Variants in SPOCK1 observed in about 807,000 individuals in gnomAD.
SPOCK1 encodes testican-1.
SPOCK1 carries 23 observed loss-of-function variants against 55.3 expected under a neutral mutation model. The ratio of observed to expected loss-of-function variants is 0.42; its 90% confidence interval spans 0.30 to 0.59. The LOEUF (loss-of-function observed/expected upper bound fraction) is 0.59, where lower values mean the gene tolerates loss of function less well. Among genes scored for constraint, SPOCK1 ranks in the 20% least tolerant of loss-of-function variants. The pLI, the probability that SPOCK1 is intolerant of heterozygous loss-of-function variation, is 0.22. For synonymous variants in SPOCK1, 226 were observed against 221.0 expected (o/e 1.02, Z -0.20); for missense variants, 499 against 552.5 (o/e 0.90, Z 0.97).
chr5:137,377,251 G>A (rs763221470), intron 2 of SPOCK1, among the ~76,000 whole-genome samples: 7 of 152,218 alleles, frequency 4.6e-5, no homozygotes, highest in Non-Finnish European at 1.0e-4. Flanking sequence ...AGGCAGTGAT[G>A]ACTGAGCTTA....
chr5:136,989,510 T>A (rs568764235), intron 7 of SPOCK1, among the ~76,000 whole-genome samples: 9 of 152,340 alleles, frequency 5.9e-5, no homozygotes, highest in African/African-American at 2.2e-4. Context: ...TGAACGTCTG[T>A]TGCTATATAG....
At chr5:137,004,115 T>C (rs747679796) in intron 6 of SPOCK1, among the ~76,000 whole-genome samples, 5 of 152,090 alleles carry the variant, frequency 3.3e-5, no homozygotes, top group Non-Finnish European at 7.4e-5. Context: ...TCCAGCAGCA[T>C]CTCCAGGGGT....
chr5:137,021,646 A>C (rs1751575672), intron 6 of SPOCK1, among the ~76,000 whole-genome samples: 1 of 152,214 alleles, frequency 6.6e-6, no homozygotes, highest in Admixed American at 6.5e-5. Context: ...TATTCACAAT[A>C]ATCTGGCAGC....
In SPOCK1 at chr5:137,206,094, G is replaced by A. The variant is rs74656243; in HGVS notation, c.232+60916C>T. Among the ~76,000 whole-genome samples, 1,404 of 152,286 alleles carry A rather than the reference G, an allele frequency of 9.2e-3. 23 individuals carry two copies. The highest frequency in any genetic ancestry group is 0.048 in the East Asian group (250 of 5,178). On this transcript the variant is annotated intron_variant, in intron 3 of 10. Coordinates refer to ENST00000394945, the MANE Select transcript of SPOCK1 (RefSeq NM_004598.4). ...ACGACTCAAAAGCAAGATTCAATAT[G>A]TATCATTCTTTACAATTCCTCTACA...
chr5:137,006,605 G>T (rs967066018), intron 6 of SPOCK1, among the ~76,000 whole-genome samples: 3 of 152,162 alleles, frequency 2.0e-5, no homozygotes, highest in African/African-American at 7.2e-5. Flanking sequence ...GGGCTGAGAT[G>T]ATGGGGTTTT....
intron 6 of SPOCK1, among the ~76,000 whole-genome samples, chr5:137,030,179 G>C (rs1751752712): frequency 6.6e-6 from 1 of 152,226 alleles, no homozygotes. Flanking sequence ...TATATACCGG[G>C]TAGAGTGATG....
intron 3 of SPOCK1, among the ~76,000 whole-genome samples, chr5:137,253,487 A>G (rs1652617702): frequency 1.3e-5 from 2 of 152,332 alleles, no homozygotes; most frequent in South Asian, 4.1e-4. Context: ...GTCATTGTAT[A>G]AAACAAATTA....
chr5:137,230,401 C>T (rs1276334785), intron 3 of SPOCK1, among the ~76,000 whole-genome samples: 1 of 152,192 alleles, frequency 6.6e-6, no homozygotes, highest in East Asian at 1.9e-4. Flanking sequence ...CAAAACACCA[C>T]AGCCTGGGCT....
chr5:136,979,531 C>A, intron 9 of SPOCK1, 62 bp from the exon 10 acceptor site: 1 of 1,579,962 alleles, frequency 6.3e-7, no homozygotes, highest in Non-Finnish European at 8.6e-7. Context: ...GGGTTAATGC[C>A]CGTCAACACA....
intron 3 of SPOCK1, among the ~76,000 whole-genome samples, chr5:137,209,968 T>C (rs1755582281): frequency 6.6e-6 from 1 of 152,232 alleles, no homozygotes; most frequent in African/African-American, 2.4e-5. Flanking sequence ...AACTTGTGTA[T>C]TTGCCAACAC....
chr5:137,021,005 T>C (rs750413647), intron 6 of SPOCK1, among the ~76,000 whole-genome samples: 3 of 152,174 alleles, frequency 2.0e-5, no homozygotes, highest in Non-Finnish European at 4.4e-5. Flanking sequence ...TCTTATAAAG[T>C]TGAAAATAAG....
rs770537962 is a variant in SPOCK1, at chr5:136,978,672, CTCATCCTCTTTGTCA to C, written c.1287_1301del (p.Asp429_Asp433del). ...GTGGGCACTACCATATGTACCCGAC[CTCATCCTCTTTGTCA>C]TCATCCTCATCCTCATCATCCTCTG... On this transcript the variant is annotated inframe_deletion, in exon 11 of 11. Transcript: ENST00000394945. 3.1e-6 allele frequency: 5 copies of C among 1,610,968 alleles called. No individual in the cohort carries two copies. The South Asian group carries it at 3.3e-5, about 11-fold the overall frequency.
At chr5:137,349,158 C>T (rs1423450530) in intron 2 of SPOCK1, among the ~76,000 whole-genome samples, 3 of 152,164 alleles carry the variant, frequency 2.0e-5, no homozygotes, top group East Asian at 1.9e-4. Flanking sequence ...TCAATAGATG[C>T]CTTCCCCATG....
At chr5:137,359,123 A>T (rs1220723509) in intron 2 of SPOCK1, among the ~76,000 whole-genome samples, 1 of 152,240 alleles carries the variant, frequency 6.6e-6, no homozygotes, top group Non-Finnish European at 1.5e-5. Context: ...CATCATGTCC[A>T]TATGAAGTAA....
intron 2 of SPOCK1, among the ~76,000 whole-genome samples, chr5:137,291,913 T>G (rs1757378566): frequency 6.6e-6 from 1 of 152,214 alleles, no homozygotes; most frequent in Non-Finnish European, 1.5e-5. Flanking sequence ...CCTGTTTGCA[T>G]GTGGATGCCA....
chr5:137,168,527 T>C (rs937882308), intron 3 of SPOCK1, among the ~76,000 whole-genome samples: 3 of 152,008 alleles, frequency 2.0e-5, no homozygotes, highest in African/African-American at 7.2e-5. Flanking sequence ...AATAATCTGA[T>C]TGAAAAATAG....
At chr5:137,327,209 C>A (rs1333521760) in intron 2 of SPOCK1, among the ~76,000 whole-genome samples, 1 of 152,166 alleles carries the variant, frequency 6.6e-6, no homozygotes, top group East Asian at 1.9e-4. Flanking sequence ...CACAGGGTAG[C>A]TTTGAAGACC....
At chr5:137,252,748 C>G (rs1756559996) in intron 3 of SPOCK1, among the ~76,000 whole-genome samples, 1 of 152,196 alleles carries the variant, frequency 6.6e-6, no homozygotes, top group African/African-American at 2.4e-5. Flanking sequence ...ACTTGATACA[C>G]TAACAAAACT....
intron 6 of SPOCK1, among the ~76,000 whole-genome samples, chr5:137,037,006 G>A (rs373278479): frequency 4.2e-4 from 64 of 152,254 alleles, no homozygotes; most frequent in African/African-American, 1.5e-3. Context: ...TGTAGGCAGT[G>A]CTAGAACCAG....
Sources: allele counts gnomAD v4.1 joint callset (sites outside exome capture counted in the v4.1 genomes callset), GRCh38; gene constraint gnomAD v4.1.1; transcripts MANE v1.5; gene names NCBI Gene and HGNC (gene_info 2026-07-23, HGNC 2026-07-21).